CDYL2: variants seen among roughly 807,000 people sequenced by gnomAD.
The protein encoded by CDYL2 is chromodomain Y like 2, also known as chromodomain Y-like protein 2.
A neutral mutation model predicts 49.4 loss-of-function variants in CDYL2; 23 were observed. That is an observed-to-expected ratio of 0.47 (90% confidence interval 0.34 to 0.66). CDYL2 has a LOEUF of 0.66. CDYL2 is among the 30% of genes least tolerant of loss of function. The pLI is 0.01. For synonymous variants in CDYL2, 360 were observed against 268.8 expected (o/e 1.34, Z -3.32); for missense variants, 678 against 656.4 (o/e 1.03, Z -0.36).
intron 1 of CDYL2, among the ~76,000 whole-genome samples, chr16:80,738,103 G>T (rs180816446): frequency 1.3e-4 from 19 of 151,742 alleles, no homozygotes; most frequent in Non-Finnish European, 2.4e-4. Context: ...CACTATGAGT[G>T]AGAACATGCA....
intron 3 of CDYL2, among the ~76,000 whole-genome samples, chr16:80,625,532 G>C (rs908389881): frequency 5.9e-5 from 9 of 152,162 alleles, no homozygotes; most frequent in African/African-American, 1.9e-4. Context: ...ATAGATTCTG[G>C]AGATTTGGAC....
chr16:80,798,408 C>A (rs1907829738), intron 1 of CDYL2, among the ~76,000 whole-genome samples: 1 of 151,604 alleles, frequency 6.6e-6, no homozygotes, highest in African/African-American at 2.4e-5. Context: ...AAGGACAACC[C>A]CTCCCCTTCC....
intron 2 of CDYL2, chr16:80,670,826 G>T: frequency 2.2e-6 from 1 of 446,140 alleles, no homozygotes; most frequent in Non-Finnish European, 4.5e-6. Flanking sequence ...CCACACCACA[G>T]TCGGGTTGCA....
chr16:80,738,984 T>C (rs1905637753), intron 1 of CDYL2, among the ~76,000 whole-genome samples: 1 of 152,044 alleles, frequency 6.6e-6, no homozygotes, highest in Admixed American at 6.5e-5. Context: ...TTTCACAAGG[T>C]GAAAAAGGTG....
At chr16:80,744,716 G>C (rs554332058) in intron 1 of CDYL2, among the ~76,000 whole-genome samples, 1 of 152,130 alleles carries the variant, frequency 6.6e-6, no homozygotes, top group Admixed American at 6.5e-5. Flanking sequence ...CCAAACTAAG[G>C]TTTTAGTGGC....
intron 1 of CDYL2, among the ~76,000 whole-genome samples, chr16:80,719,108 C>T (rs1202499945): frequency 6.6e-6 from 1 of 152,306 alleles, no homozygotes. Context: ...TCAGCAAGTA[C>T]TGAACACCTG....
intron 1 of CDYL2, among the ~76,000 whole-genome samples, chr16:80,727,641 G>T (rs546871547): frequency 6.6e-6 from 1 of 152,326 alleles, no homozygotes; most frequent in South Asian, 2.1e-4. Context: ...CACCTCTGGG[G>T]GCAGGGCACA....
chr16:80,630,153 T>C (rs144055670), intron 3 of CDYL2, among the ~76,000 whole-genome samples: 31 of 152,314 alleles, frequency 2.0e-4, no homozygotes, highest in African/African-American at 7.5e-4. Context: ...CTCACCCACA[T>C]ACTCAATCCC....
chr16:80,607,940 C>G, intron 6 of CDYL2, 152 bp downstream of exon 6: 5 of 876,586 alleles, frequency 5.7e-6, no homozygotes, highest in Non-Finnish European at 8.3e-6. Context: ...GCTGTCAATA[C>G]TGAGAAAAGG....
chr16:80,732,438 A>G (rs1428092801), intron 1 of CDYL2, among the ~76,000 whole-genome samples: 22 of 152,188 alleles, frequency 1.4e-4, no homozygotes, highest in Admixed American at 1.4e-3. Context: ...TACGGAAAAA[A>G]ACACAGTGTC....
At chr16:80,690,211 A>G (rs1910360376) in intron 1 of CDYL2, among the ~76,000 whole-genome samples, 1 of 152,238 alleles carries the variant, frequency 6.6e-6, no homozygotes, top group Non-Finnish European at 1.5e-5. Flanking sequence ...AAACAACGGC[A>G]GCGGGAATGG....
intron 1 of CDYL2, among the ~76,000 whole-genome samples, chr16:80,720,511 T>A (rs367683183): frequency 1.3e-5 from 2 of 152,230 alleles, no homozygotes; most frequent in Admixed American, 1.3e-4. Context: ...GAGGGTATGC[T>A]CGTCTACAGA....
intron 4 of CDYL2, among the ~76,000 whole-genome samples, chr16:80,619,620 T>C (rs137944121): frequency 3.9e-5 from 6 of 152,308 alleles, no homozygotes; most frequent in Non-Finnish European, 5.9e-5. Context: ...TGAGAGGGCA[T>C]AGCTGGGACC....
At chr16:80,683,489 A>G (rs1368882772) in intron 2 of CDYL2, among the ~76,000 whole-genome samples, 1 of 152,216 alleles carries the variant, frequency 6.6e-6, no homozygotes, top group Non-Finnish European at 1.5e-5. Flanking sequence ...GCCTACAGAG[A>G]CTTTGGAAAA....
At chr16:80,715,564 C>G (rs562624931) in intron 1 of CDYL2, among the ~76,000 whole-genome samples, 1 of 152,292 alleles carries the variant, frequency 6.6e-6, no homozygotes, top group Non-Finnish European at 1.5e-5. Context: ...AGGAAAATCT[C>G]TGCACCCCTC....
intron 1 of CDYL2, among the ~76,000 whole-genome samples, chr16:80,726,992 G>C (rs1905183399): frequency 6.6e-6 from 1 of 152,170 alleles, no homozygotes; most frequent in Non-Finnish European, 1.5e-5. Context: ...AGACTGATGT[G>C]GGAGGATTGC....
intron 4 of CDYL2, among the ~76,000 whole-genome samples, chr16:80,619,817 C>T (rs1201113387): frequency 6.6e-6 from 1 of 152,144 alleles, no homozygotes; most frequent in Non-Finnish European, 1.5e-5. Context: ...CTCAGAATTC[C>T]ACACACAAGA....
intron 1 of CDYL2, among the ~76,000 whole-genome samples, chr16:80,746,905 TA>T (rs879867669): frequency 1.9e-4 from 29 of 151,514 alleles, no homozygotes; most frequent in African/African-American, 5.6e-4. Context: ...CTCTTCTCTT[TA>T]AAAAAAAATT....
chr16:80,763,008 T>C (rs1906584517), intron 1 of CDYL2, among the ~76,000 whole-genome samples: 2 of 152,136 alleles, frequency 1.3e-5, no homozygotes, highest in Admixed American at 6.5e-5. Flanking sequence ...ATATATTAAA[T>C]GGTTGACAGA....
Sources: gnomAD v4.1 joint callset for allele counts (sites outside exome capture counted in the v4.1 genomes callset) on GRCh38, gnomAD v4.1.1 for gene constraint, MANE v1.5 for transcripts, NCBI Gene and HGNC (gene_info 2026-07-23, HGNC 2026-07-21) for gene names.